Variants in HTR1F observed in about 807,000 individuals in gnomAD.
HTR1F encodes 5-hydroxytryptamine receptor 1F.
A neutral mutation model predicts 24.0 loss-of-function variants in HTR1F; 17 were observed. That is an observed-to-expected ratio of 0.71 (90% CI 0.48 to 1.06). The LOEUF (loss-of-function observed/expected upper bound fraction) is 1.06. Ranked by LOEUF, HTR1F falls within the 50% of genes least tolerant of loss-of-function variation. The probability of loss-of-function intolerance (pLI) is 0.00; values close to 1 mark genes in which losing one functional copy is unlikely to be tolerated. For missense variants in HTR1F, 391 were observed against 427.8 expected, an observed-to-expected ratio of 0.91 and a Z score of 0.76; for synonymous variants, 186 against 156.8, an observed-to-expected ratio of 1.19 and a Z score of -1.39.
At chr3:87,971,023 C>A (rs770968676) in intron 2 of HTR1F, among the ~76,000 whole-genome samples, 4 of 152,194 alleles carry the variant, frequency 2.6e-5, no homozygotes, top group Non-Finnish European at 5.9e-5. Flanking sequence ...GCCTCCTCCC[C>A]TTCCACAGAT....
intron 2 of HTR1F, among the ~76,000 whole-genome samples, chr3:87,850,672 T>C (rs1246779337): frequency 6.6e-6 from 1 of 151,694 alleles, no homozygotes; most frequent in Non-Finnish European, 1.5e-5. Context: ...ATTAAGTATG[T>C]CAATAGAAAT....
At chr3:87,874,632 A>T (rs1705630026) in intron 2 of HTR1F, among the ~76,000 whole-genome samples, 2 of 135,166 alleles carry the variant, frequency 1.5e-5, no homozygotes, top group African/African-American at 3.3e-5. Flanking sequence ...CTGCAAAAAT[A>T]GAAAAAAAAA....
chr3:87,837,691 A>G lies in HTR1F; in HGVS notation c.-43+15567A>G, dbSNP rs1575926597. 5.9e-5 allele frequency among the ~76,000 whole-genome samples: 9 copies of G among 152,172 alleles called. 1 individual carries two copies. The South Asian group carries it at 1.9e-3, about 32-fold the overall frequency. ...ACATTGGATAATTTATTATTATTAA[A>G]CATATATTATATAATGTGTGACAAT... On this transcript the variant is annotated intron_variant, in intron 2 of 2. Transcript: ENST00000319595.
At chr3:87,868,556 C>T (rs1219311850) in intron 2 of HTR1F, among the ~76,000 whole-genome samples, 1 of 151,398 alleles carries the variant, frequency 6.6e-6, no homozygotes, top group Non-Finnish European at 1.5e-5. Flanking sequence ...AAAATATTGC[C>T]TGTCTAAATT....
chr3:87,897,670 A>T (rs1310177587), intron 2 of HTR1F, among the ~76,000 whole-genome samples: 2 of 151,626 alleles, frequency 1.3e-5, no homozygotes, highest in African/African-American at 4.8e-5. Context: ...AATTCTTATG[A>T]CCTCCCTCTT....
intron 2 of HTR1F, among the ~76,000 whole-genome samples, chr3:87,956,461 A>G (rs1264460241): frequency 5.3e-5 from 8 of 151,336 alleles, no homozygotes; most frequent in Admixed American, 4.6e-4. Context: ...ATCTTAAACT[A>G]TGTTCTTTCT....
chr3:87,899,964 CAT>C (rs1491015776), intron 2 of HTR1F, among the ~76,000 whole-genome samples: 2 of 152,160 alleles, frequency 1.3e-5, no homozygotes, highest in South Asian at 2.1e-4. Flanking sequence ...AGGCTCTACA[CAT>C]GTGTGCAGAA....
chr3:87,884,180 G>T (rs1417110766), intron 2 of HTR1F, among the ~76,000 whole-genome samples: 1 of 152,054 alleles, frequency 6.6e-6, no homozygotes, highest in Non-Finnish European at 1.5e-5. Context: ...AGGGAGTGGG[G>T]GCCAATACTC....
At chr3:87,828,159 C>T (rs1409348471) in intron 2 of HTR1F, among the ~76,000 whole-genome samples, 1 of 152,116 alleles carries the variant, frequency 6.6e-6, no homozygotes, top group Admixed American at 6.5e-5. Flanking sequence ...TGTTCCATTT[C>T]TCAAGAAGTG....
intron 2 of HTR1F, among the ~76,000 whole-genome samples, chr3:87,939,810 C>A (rs74488047): frequency 2.6e-5 from 4 of 152,268 alleles, no homozygotes; most frequent in African/African-American, 9.6e-5. Context: ...TTTCACAAAA[C>A]CAGCTCCTGG....
At chr3:87,887,838 G>A (rs1368730192) in intron 2 of HTR1F, among the ~76,000 whole-genome samples, 1 of 152,214 alleles carries the variant, frequency 6.6e-6, no homozygotes, top group Non-Finnish European at 1.5e-5. Context: ...TGGAGAGGAT[G>A]TGGAGAAATG....
rs1442724949 is a variant in HTR1F at position 87,991,318 on chromosome 3, T to C, written c.569T>C (p.Phe190Ser). The change falls in exon 3 of 3, where the codon TTC becomes TCC. Residue 190 changes from phenylalanine to serine, a missense_variant. By Grantham distance (155) the Phe-to-Ser change is radical. Transcript: ENST00000319595. ...ACCATTTACTCAACATTTGGAGCTT[T>C]CTACATCCCACTGGCATTGATTTTG... ...VSTIYSTFGA[F>S]YIPLALILIL... 1 of 1,613,896 alleles carries C rather than the reference T, an allele frequency of 6.2e-7. No homozygotes were observed. Among genetic ancestry groups the C allele is most frequent in the Non-Finnish European group, 8.5e-7 (1 of 1,179,996 alleles).
At chr3:87,980,808 G>GCA (rs1160215845) in intron 2 of HTR1F, among the ~76,000 whole-genome samples, 1 of 152,212 alleles carries the variant, frequency 6.6e-6, no homozygotes, top group Non-Finnish European at 1.5e-5. Context: ...ACTGCTTCAA[G>GCA]CACACACACA....
At chr3:87,810,412 C>T (rs1238191028) in intron 1 of HTR1F, among the ~76,000 whole-genome samples, 1 of 152,072 alleles carries the variant, frequency 6.6e-6, no homozygotes, top group African/African-American at 2.4e-5. Flanking sequence ...TGGATGTCGG[C>T]GTTTTTCCCA....
At chr3:87,935,842 T>C (rs1704399568) in intron 2 of HTR1F, among the ~76,000 whole-genome samples, 1 of 151,554 alleles carries the variant, frequency 6.6e-6, no homozygotes. Context: ...TAATAACATT[T>C]CCCCACATTT....
chr3:87,855,289 A>G (rs2107216278), intron 2 of HTR1F, among the ~76,000 whole-genome samples: 1 of 152,198 alleles, frequency 6.6e-6, no homozygotes, highest in East Asian at 1.9e-4. Context: ...CTAAAGACAG[A>G]ACATGAAGAC....
chr3:87,912,857 A>C (rs1703810351), intron 2 of HTR1F, among the ~76,000 whole-genome samples: 1 of 152,168 alleles, frequency 6.6e-6, no homozygotes, highest in South Asian at 2.1e-4. Flanking sequence ...CCTATTCAAT[A>C]AATTGTGCTG....
intron 2 of HTR1F, among the ~76,000 whole-genome samples, chr3:87,938,232 G>A (rs1289565384): frequency 1.3e-5 from 2 of 152,148 alleles, no homozygotes; most frequent in African/African-American, 2.4e-5. Flanking sequence ...AGCTAACTAG[G>A]GAGGTGAAAG....
At chr3:87,839,029 T>A (rs1450016190) in intron 2 of HTR1F, among the ~76,000 whole-genome samples, 6 of 148,534 alleles carry the variant, frequency 4.0e-5, no homozygotes, top group East Asian at 2.0e-4. Context: ...TTTTTATTTT[T>A]TTTTTTTGCT....
Sources: gnomAD v4.1 joint callset for allele counts (sites outside exome capture counted in the v4.1 genomes callset) on GRCh38, gnomAD v4.1.1 for gene constraint, MANE v1.5 for transcripts, NCBI Gene and HGNC (gene_info 2026-07-23, HGNC 2026-07-21) for gene names.